PKD1L1: variants seen among roughly 807,000 people sequenced by gnomAD.
The protein encoded by PKD1L1 is polycystin 1 like 1, transient receptor potential channel interacting.
PKD1L1 carries 236 observed loss-of-function variants against 323.4 expected under a neutral mutation model. The ratio of observed to expected loss-of-function variants is 0.73; its 90% CI spans 0.66 to 0.81. PKD1L1 has a LOEUF of 0.81. Ranked by LOEUF, PKD1L1 falls within the 40% of genes least tolerant of loss-of-function variation. The pLI, the probability that PKD1L1 is intolerant of heterozygous loss-of-function variation, is 0.00. For synonymous variants in PKD1L1, 1,344 were observed against 1,335.0 expected, an observed-to-expected ratio of 1.01 and a Z score of -0.15; for missense variants, 3,320 against 3,508.0, an observed-to-expected ratio of 0.95 and a Z score of 1.35.
chr7:47,858,678 A>G lies in PKD1L1; in HGVS notation c.4357T>C (p.Leu1453=), dbSNP rs952559566. Residue 1453 remains leucine, a synonymous_variant, in exon 27 of 57, where the codon TTG becomes CTG. Transcript: ENST00000289672. The part of the protein sequence containing the change: ...EEGITVISDL[L]LGCLSLNHVS... ...GGAGAAAAAGTGTGACTTACCAACA[A>G]TAAATCTGAGATGACTGTAATTCCT... 1.9e-6 allele frequency: 3 copies of G among 1,610,910 alleles called. No individual in the cohort carries two copies. The highest frequency in any genetic ancestry group is 2.7e-5 in the African/African-American group (2 of 74,866).
chr7:47,837,579 T>C (rs1045908539), intron 36 of PKD1L1, among the ~76,000 whole-genome samples: 2 of 152,132 alleles, frequency 1.3e-5, no homozygotes, highest in African/African-American at 4.8e-5. Flanking sequence ...TTCTCCTTCA[T>C]ATTCCTAAGA....
intron 19 of PKD1L1, among the ~76,000 whole-genome samples, chr7:47,883,557 G>A (rs1786612464): frequency 6.6e-6 from 1 of 152,190 alleles, no homozygotes; most frequent in Non-Finnish European, 1.5e-5. Flanking sequence ...TGTGTGGCCT[G>A]CCATGCCTCT....
intron 54 of PKD1L1, among the ~76,000 whole-genome samples, chr7:47,800,011 C>G: frequency 6.6e-6 from 1 of 152,250 alleles, no homozygotes; most frequent in East Asian, 1.9e-4. Context: ...AGGGGGCTTA[C>G]TAATACTGAA....
chr7:47,939,284 G>C (rs939732385), intron 3 of PKD1L1, among the ~76,000 whole-genome samples: 5 of 152,160 alleles, frequency 3.3e-5, no homozygotes, highest in African/African-American at 9.7e-5. Flanking sequence ...TGCTACGGAG[G>C]GGGTGGTTTA....
intron 23 of PKD1L1, among the ~76,000 whole-genome samples, chr7:47,874,506 T>C (rs911658761): frequency 2.6e-5 from 4 of 152,110 alleles, no homozygotes. Context: ...GTGCCAAGGA[T>C]TGGGGACTTA....
intron 20 of PKD1L1, among the ~76,000 whole-genome samples, chr7:47,881,511 C>T (rs1786552659): frequency 6.6e-6 from 1 of 152,144 alleles, no homozygotes; most frequent in African/African-American, 2.4e-5. Context: ...AGCAAAAGCA[C>T]CATGTCTGGG....
At chr7:47,888,924 C>A (rs1200813142) in intron 16 of PKD1L1, among the ~76,000 whole-genome samples, 3 of 152,134 alleles carry the variant, frequency 2.0e-5, no homozygotes, top group African/African-American at 7.2e-5. Context: ...TCGGTAGATA[C>A]TCTGGGGTGT....
At chr7:47,942,020 A>G (rs977269859) in intron 2 of PKD1L1, among the ~76,000 whole-genome samples, 1 of 152,144 alleles carries the variant, frequency 6.6e-6, no homozygotes, top group Admixed American at 6.5e-5. Flanking sequence ...AAAACCTGAA[A>G]CTTAACATCC....
intron 45 of PKD1L1, among the ~76,000 whole-genome samples, chr7:47,825,059 G>A (rs1785216020): frequency 6.6e-6 from 1 of 152,286 alleles, no homozygotes; most frequent in Non-Finnish European, 1.5e-5. Flanking sequence ...CACCAGCACT[G>A]TGTGAAATGC....
At chr7:47,818,171 T>C (rs1233948095) in intron 46 of PKD1L1, 4 of 1,367,162 alleles carry the variant, frequency 2.9e-6, no homozygotes, top group African/African-American at 3.0e-5. Context: ...AGAACACAGA[T>C]GGAGACAGAG....
chr7:47,862,533 C>T (rs145162991), intron 26 of PKD1L1, among the ~76,000 whole-genome samples: 94 of 152,248 alleles, frequency 6.2e-4, no homozygotes, highest in African/African-American at 2.2e-3. Context: ...GTCGACATTC[C>T]AGTGGGGGAA....
intron 56 of PKD1L1, among the ~76,000 whole-genome samples, chr7:47,788,074 T>C (rs972836920): frequency 6.6e-6 from 1 of 152,288 alleles, no homozygotes; most frequent in African/African-American, 2.4e-5. Flanking sequence ...GGCTCTGATG[T>C]TGTATTATTA....
In PKD1L1 at chr7:47,813,272, G is replaced by A; in HGVS notation, c.7195C>T (p.Leu2399Phe). ...CATGTAGGAATAGAGTCTTCGATGA[G>A]TGCTGAAAATGGCCTGGGAGGCTGC... ...LCKPPRPFSA[L>F]IEDSIPTCSP... The change falls in exon 49 of 57, where the codon CTC becomes TTC. Residue 2399 changes from leucine to phenylalanine, a missense_variant. Leu to Phe is a conservative substitution (Grantham distance 22). Coordinates refer to ENST00000289672, the MANE Select transcript of PKD1L1 (RefSeq NM_138295.5). 2 of 1,614,146 alleles carry A rather than the reference G, an allele frequency of 1.2e-6. No individual in the cohort carries two copies. Among genetic ancestry groups the A allele is most frequent in the South Asian group, 2.2e-5 (2 of 91,076 alleles).
chr7:47,942,447 G>A (rs1423407861), intron 2 of PKD1L1, among the ~76,000 whole-genome samples: 1 of 98,596 alleles, frequency 1.0e-5, no homozygotes, highest in Non-Finnish European at 2.0e-5. Flanking sequence ...CCGCGCCCCC[G>A]CCCCCCCACT....
At chr7:47,803,004 ATCATGGTTATTGTTG>A (rs928694723) in intron 53 of PKD1L1, among the ~76,000 whole-genome samples, 191 bp downstream of exon 53, 1 of 152,240 alleles carries the variant, frequency 6.6e-6, no homozygotes, top group African/African-American at 2.4e-5. Context: ...TGTTTCCTAA[ATCATGGTTATTGTTG>A]TCATGACCAT....
rs189847717 is a variant in PKD1L1 at position 47,859,879 on chromosome 7, C to T, written c.4150-994G>A. Among the ~76,000 whole-genome samples the T allele has an allele frequency of 2.8e-3, 427 of 152,208 alleles. 1 individual carries two copies. Among genetic ancestry groups the T allele is most frequent in the African/African-American group, 9.7e-3 (403 of 41,518 alleles). On this transcript the variant is annotated intron_variant, in intron 26 of 56. Coordinates refer to ENST00000289672, the MANE Select transcript of PKD1L1 (RefSeq NM_138295.5). ...TCCAGACCTCATGATCCACCCGCCT[C>T]GGCTTCCCAAAGTGCTGGGAGTACA... is the stretch of plus-strand genomic sequence containing the variant.
At chr7:47,904,726 G>C in intron 11 of PKD1L1, 109 bp from the exon 12 acceptor site, 4 of 1,274,372 alleles carry the variant, frequency 3.1e-6, no homozygotes, top group Non-Finnish European at 4.3e-6. Flanking sequence ...GGGAGGGGGA[G>C]GCAGCATTTA....
intron 56 of PKD1L1, among the ~76,000 whole-genome samples, chr7:47,785,780 C>T (rs1005122194): frequency 3.1e-4 from 46 of 149,102 alleles, no homozygotes; most frequent in African/African-American, 1.1e-3. Context: ...CTCACTCTGT[C>T]GCCCAGGCTG....
At chr7:47,906,955 G>C (rs1297205972) in intron 9 of PKD1L1, among the ~76,000 whole-genome samples, 1 of 152,118 alleles carries the variant, frequency 6.6e-6, no homozygotes, top group Non-Finnish European at 1.5e-5. Context: ...TCAATCTGTA[G>C]GGCTGGATGC....
Sources: allele counts gnomAD v4.1 joint callset (sites outside exome capture counted in the v4.1 genomes callset), GRCh38; gene constraint gnomAD v4.1.1; transcripts MANE v1.5; gene names NCBI Gene and HGNC (gene_info 2026-07-23, HGNC 2026-07-21).